EMP2: variants seen among roughly 807,000 people sequenced by gnomAD.
EMP2 encodes epithelial membrane protein 2.
Under a neutral mutation model 13.7 loss-of-function variants are expected in EMP2, and 19 were observed. The observed-to-expected ratio is 1.38, with a 90% CI of 0.97 to 2.03. The LOEUF is 2.03. EMP2 is among the 30% of genes most tolerant of loss of function. The pLI is 0.00. For synonymous variants in EMP2, 97 were observed against 84.7 expected, an observed-to-expected ratio of 1.15 and a Z score of -0.80; for missense variants, 253 against 220.7, an observed-to-expected ratio of 1.15 and a Z score of -0.93.
rs749017621 is a variant in EMP2 at position 10,532,866 on chromosome 16, G to A, written c.*39C>T. 2.4e-6 allele frequency: 3 copies of A among 1,256,022 alleles called. No individual in the cohort carries two copies. In the Admixed American group the frequency reaches 1.0e-4, roughly 42 times the overall value. The allele number at this position is 1,256,022 out of a possible 1,614,324, so 77.8% of individuals were successfully genotyped here. The stretch of plus-strand genomic sequence containing the variant: ...TATACAAAATGGTTATCTGAATGTG[G>A]ATTCTGTACTGCAGCAGAAGCAACC... On this transcript the variant is annotated 3_prime_UTR_variant, in exon 5 of 5. Transcript: ENST00000359543.
At chr16:10,573,365 A>G (rs1406996712) in intron 1 of EMP2, among the ~76,000 whole-genome samples, 1 of 152,192 alleles carries the variant, frequency 6.6e-6, no homozygotes, top group African/African-American at 2.4e-5. Flanking sequence ...GTTAACCCCC[A>G]TGAACAGCAT....
intron 1 of EMP2, among the ~76,000 whole-genome samples, chr16:10,567,128 T>C (rs374234691): frequency 2.0e-5 from 3 of 152,224 alleles, no homozygotes; most frequent in African/African-American, 4.8e-5. Context: ...CATTTTCTTA[T>C]GTATCGCTGT....
chr16:10,564,279 T>C (rs2050892200), intron 1 of EMP2, among the ~76,000 whole-genome samples: 1 of 151,784 alleles, frequency 6.6e-6, no homozygotes, highest in South Asian at 2.1e-4. Context: ...TCACCTGAGG[T>C]CAGAAGTTCA....
chr16:10,529,622 C>T lies in EMP2; in HGVS notation c.*3283G>A, dbSNP rs2050581611. 6.6e-6 allele frequency: 1 copy of T among 152,034 alleles called. No homozygotes were observed. The highest frequency in any genetic ancestry group is 1.5e-5 in the Non-Finnish European group (1 of 68,022). The allele number at this position is 152,034 out of a possible 1,614,324, so 9.4% of individuals were successfully genotyped here. ...GGTTCTAAGGTGTTTTGTTTGTTTC[C>T]ATCGTGACTACCAGAAAATTATAGA... On this transcript the variant is annotated 3_prime_UTR_variant, in exon 5 of 5. Coordinates refer to ENST00000359543, the MANE Select transcript of EMP2 (RefSeq NM_001424.6).
At chr16:10,535,926 G>C (rs1490283154) in intron 4 of EMP2, among the ~76,000 whole-genome samples, 1 of 152,166 alleles carries the variant, frequency 6.6e-6, no homozygotes, top group Non-Finnish European at 1.5e-5. Flanking sequence ...TCAGGGACAG[G>C]AGTACAAATC....
intron 3 of EMP2, 74 bp from the exon 4 acceptor site, chr16:10,538,148 GC>G (rs2050665472): frequency 1.3e-6 from 2 of 1,566,808 alleles, no homozygotes; most frequent in African/African-American, 1.3e-5. Flanking sequence ...AGCGACCGCA[GC>G]AGCTCCAGAG....
chr16:10,565,534 T>C (rs1005738683), intron 1 of EMP2, among the ~76,000 whole-genome samples: 4 of 152,198 alleles, frequency 2.6e-5, no homozygotes, highest in Admixed American at 2.0e-4. Flanking sequence ...CATAATCCCA[T>C]GAGCAAATTC....
intron 1 of EMP2, among the ~76,000 whole-genome samples, chr16:10,571,255 C>CAAAA (rs58665715): frequency 2.4e-4 from 8 of 33,414 alleles, no homozygotes; most frequent in East Asian, 9.8e-4. Context: ...GACTCCGTCT[C>CAAAA]AAAAAAAAAA....
At chr16:10,543,093 G>T (rs1473393343) in intron 3 of EMP2, among the ~76,000 whole-genome samples, 1 of 152,134 alleles carries the variant, frequency 6.6e-6, no homozygotes, top group African/African-American at 2.4e-5. Flanking sequence ...TGATCCATCC[G>T]CCTCTGCTTC....
intron 1 of EMP2, among the ~76,000 whole-genome samples, chr16:10,562,734 T>TC (rs1408218124): frequency 1.3e-5 from 2 of 152,210 alleles, no homozygotes; most frequent in Non-Finnish European, 2.9e-5. Context: ...TTAGAGTTCC[T>TC]CAAGTACAGA....
At chr16:10,538,588 G>A (rs1369357616) in intron 3 of EMP2, among the ~76,000 whole-genome samples, 1 of 152,142 alleles carries the variant, frequency 6.6e-6, no homozygotes, top group Non-Finnish European at 1.5e-5. Flanking sequence ...CTTACAAAGA[G>A]GAGGAAAGCT....
chr16:10,532,758 CTTTTTTTTTTTTT>C lies in EMP2; in HGVS notation c.*134_*146del, dbSNP rs878927571. On this transcript the variant is annotated 3_prime_UTR_variant, in exon 5 of 5. Transcript: ENST00000359543. ...CTTTTGGATTTTTTTTTTCTTTTTTCTTTTTTTTTTTTTTTTTTTTTTTTTTTTGGCTTTTAAA... is the reference window on the plus strand; with the variant it reads ...CTTTTGGATTTTTTTTTTCTTTTTTCTTTTTTTTTTTTTTTGGCTTTTAAA... The C allele has an allele frequency of 2.7e-5, 5 of 184,872 alleles. No homozygotes were observed. Among genetic ancestry groups the C allele is most frequent in the Non-Finnish European group, 4.1e-5 (5 of 121,704 alleles). 11.5% of individuals were successfully genotyped at this position (184,872 alleles called of 1,614,324 possible).
intron 1 of EMP2, among the ~76,000 whole-genome samples, chr16:10,556,724 G>A (rs1249031726): frequency 6.6e-6 from 1 of 152,176 alleles, no homozygotes; most frequent in Non-Finnish European, 1.5e-5. Flanking sequence ...GCAGAGCAAG[G>A]TATCTTTATC....
chr16:10,569,509 G>T (rs1292041604), intron 1 of EMP2, among the ~76,000 whole-genome samples: 1 of 151,686 alleles, frequency 6.6e-6, no homozygotes, highest in Non-Finnish European at 1.5e-5. Context: ...TGTACAGATG[G>T]GGGTCTCCCT....
intron 1 of EMP2, among the ~76,000 whole-genome samples, chr16:10,572,674 C>A (rs1216547605): frequency 6.6e-6 from 1 of 152,190 alleles, no homozygotes; most frequent in Admixed American, 6.5e-5. Context: ...ATAAATGTCA[C>A]AGCCTGGGAG....
In EMP2 at chr16:10,533,191, T is replaced by C. The variant is rs1215645131; in HGVS notation, c.317-99A>G. The C allele has an allele frequency of 2.7e-6, 3 of 1,115,934 alleles. No individual in the cohort carries two copies. In the East Asian group the frequency reaches 8.7e-5, roughly 33 times the overall value. 69.1% of individuals were successfully genotyped at this position (1,115,934 alleles called of 1,614,324 possible). A position where few individuals can be genotyped will look rare whatever the true frequency, so the allele number is the denominator to read the frequency against. ...CCAGAGTTGAAGACAAACTTCAGCT[T>C]TTATTCTTTGTTTATTATTATTTTG... On this transcript the variant is annotated intron_variant, in intron 4 of 4. Coordinates refer to ENST00000359543, the MANE Select transcript of EMP2 (RefSeq NM_001424.6).
At chr16:10,533,513 T>C (rs2050624631) in intron 4 of EMP2, among the ~76,000 whole-genome samples, 2 of 152,120 alleles carry the variant, frequency 1.3e-5, no homozygotes, top group Admixed American at 1.3e-4. Context: ...ACATAATTGG[T>C]CTAAGCCAGA....
At chr16:10,536,015 G>A (rs560258851) in intron 4 of EMP2, among the ~76,000 whole-genome samples, 42 of 152,236 alleles carry the variant, frequency 2.8e-4, no homozygotes, top group Middle Eastern at 6.8e-3. Context: ...AAAGGTCCCC[G>A]GAAGGACTGT....
chr16:10,559,674 G>C (rs927218746), intron 1 of EMP2, among the ~76,000 whole-genome samples: 2 of 152,132 alleles, frequency 1.3e-5, no homozygotes, highest in African/African-American at 4.8e-5. Flanking sequence ...AATTAGCCTT[G>C]CTTTATTTTT....
Sources: allele counts gnomAD v4.1 joint callset (sites outside exome capture counted in the v4.1 genomes callset), GRCh38; gene constraint gnomAD v4.1.1; transcripts MANE v1.5; gene names NCBI Gene and HGNC (gene_info 2026-07-23, HGNC 2026-07-21).